The following IRF2BPL variants were observed in gnomAD, a reference collection of about 807,000 sequenced individuals.
IRF2BPL encodes interferon regulatory factor 2 binding protein like.
IRF2BPL carries 13 observed loss-of-function variants against 51.2 expected under a neutral mutation model. That is an observed-to-expected ratio of 0.25 (90% CI 0.17 to 0.40). The LOEUF (loss-of-function observed/expected upper bound fraction) is 0.40, where lower values mean the gene tolerates loss of function less well. Among genes scored for constraint, IRF2BPL ranks in the 10% least tolerant of loss-of-function variants. IRF2BPL has a pLI of 1.00. For missense variants in IRF2BPL, 1,210 were observed against 1,111.8 expected, an observed-to-expected ratio of 1.09 and a Z score of -1.26; for synonymous variants, 768 against 509.2, an observed-to-expected ratio of 1.51 and a Z score of -6.84.
rs1184442831 is a variant in IRF2BPL at position 77,025,950 on chromosome 14, A to C, written c.1843T>G (p.Ser615Ala). Residue 615 changes from serine (S) to alanine (A), a missense_variant, in exon 1 of 1, where the codon TCA (serine) becomes GCA (alanine). By Grantham distance (99) the Ser-to-Ala change is moderately conservative. Coordinates refer to ENST00000238647, the MANE Select transcript of IRF2BPL (RefSeq NM_024496.4). Reference sequence around the variant, plus strand: ...GGGGACGGACCGTTCTGGGGGGCTGACTCAGGTGGGGTGGTCCGGTTGGAA... The same window carrying C: ...GGGGACGGACCGTTCTGGGGGGCTGCCTCAGGTGGGGTGGTCCGGTTGGAA... ...PHSNRTTPPESAPQNGPSPMA... is the reference protein window; with the variant it reads ...PHSNRTTPPEAAPQNGPSPMA... 1.2e-6 allele frequency: 2 copies of C among 1,604,438 alleles called. No individual in the cohort carries two copies. Among genetic ancestry groups the C allele is most frequent in the Non-Finnish European group, 1.7e-6 (2 of 1,176,578 alleles).
In IRF2BPL at chr14:77,027,571, C is replaced by A; in HGVS notation, c.222G>T (p.Pro74=). The stretch of plus-strand genomic sequence containing the variant: ...GGGCCACTGTCTTGACCCCGACGGG[C>A]GGCGGCGGCCCGGGGGAGCGGCCGT... ...FQDGRSPGPP[P]PVGVKTVALS... The change falls in exon 1 of 1, where the codon CCG becomes CCT. Residue 74 remains proline, a synonymous_variant. Coordinates refer to ENST00000238647, the MANE Select transcript of IRF2BPL (RefSeq NM_024496.4). 2.0e-6 allele frequency: 3 copies of A among 1,508,942 alleles called. No homozygotes were observed. Among genetic ancestry groups the A allele is most frequent in the Non-Finnish European group, 2.7e-6 (3 of 1,125,146 alleles). 93.5% of individuals were successfully genotyped at this position (1,508,942 alleles called of 1,614,324 possible).
Position 77,025,782 on chromosome 14 carries a change from G to C in IRF2BPL, c.2011C>G (p.Arg671Gly). 1 of 1,609,128 alleles carries C rather than the reference G, an allele frequency of 6.2e-7. No individual in the cohort carries two copies. The highest frequency in any genetic ancestry group is 8.5e-7 in the Non-Finnish European group (1 of 1,177,694). The change falls in exon 1 of 1, where the codon CGC becomes GGC. Residue 671 changes from arginine (R) to glycine (G), a missense_variant. Physicochemically the swap from Arg to Gly is moderately radical, Grantham distance 125 (BLOSUM62 -2). Transcript: ENST00000238647. ...VSPASVPGQR[R>G]LASRNGDLNL... ...AGGTCCCCGTTACGTGATGCCAAGC[G>C]GCGCTGCCCCGGCACGGAGGCCGGC...
rs1885238106 is a variant in IRF2BPL at position 77,028,491 on chromosome 14, C to T, written c.-699G>A. 1 of 308,826 alleles carries T rather than the reference C, an allele frequency of 3.2e-6. No homozygotes were observed. Among genetic ancestry groups the T allele is most frequent in the East Asian group, 5.5e-5 (1 of 18,316 alleles). 19.1% of individuals were successfully genotyped at this position (308,826 alleles called of 1,614,324 possible). On this transcript the variant is annotated 5_prime_UTR_variant, in exon 1 of 1. The change creates a new upstream start codon in the 5' untranslated region. Coordinates refer to ENST00000238647, the MANE Select transcript of IRF2BPL (RefSeq NM_024496.4). ...AGAGCAGAGGAGAGGAGTGCACGCA[C>T]GCAGGCTCCCGCCGCCCCCAGGCCT...
chr14:77,027,167 G>A lies in IRF2BPL; in HGVS notation c.626C>T (p.Pro209Leu). 1 of 1,612,980 alleles carries A rather than the reference G, an allele frequency of 6.2e-7. No homozygotes were observed. The highest frequency in any genetic ancestry group is 8.5e-7 in the Non-Finnish European group (1 of 1,179,590). The change falls in exon 1 of 1, where the codon CCA (proline) becomes CTA (leucine). Residue 209 changes from proline (P) to leucine (L), a missense_variant. Transcript: ENST00000238647. ...ATTGGGGCTCTGACGGTTCAGCTCTGGGGGTCCCTCCTCTGGTGTTGGTTT... is the reference window on the plus strand; with the variant it reads ...ATTGGGGCTCTGACGGTTCAGCTCTAGGGGTCCCTCCTCTGGTGTTGGTTT... ...FPKPTPEEGP[P>L]ELNRQSPNSS... is the part of the protein sequence containing the mutation.
At position 77,026,175 on chromosome 14, in the gene IRF2BPL, T is replaced by C. The variant is rs1461784175; in HGVS notation, c.1618A>G (p.Ser540Gly). 29 of 1,433,446 alleles carry C rather than the reference T, an allele frequency of 2.0e-5. No individual in the cohort carries two copies. Among genetic ancestry groups the C allele is most frequent in the Non-Finnish European group, 2.5e-5 (28 of 1,103,906 alleles). 88.8% of individuals were successfully genotyped at this position (1,433,446 alleles called of 1,614,324 possible). A position where few individuals can be genotyped will look rare whatever the true frequency, so the allele number is the denominator to read the frequency against. ...GGAGAGGCCTTTCTCTTGCGCAGGC[T>C]GGCGGCTGCGCCCCGGCCCGACGGC... ...AAPSGRGAAA[S>G]LRKRKASPEP... Residue 540 changes from serine (S) to glycine (G), a missense_variant, in exon 1 of 1, where the codon AGC becomes GGC. Coordinates refer to ENST00000238647, the MANE Select transcript of IRF2BPL (RefSeq NM_024496.4).
At position 77,027,840 on chromosome 14, in the gene IRF2BPL, G is replaced by C; in HGVS notation, c.-48C>G. On this transcript the variant is annotated 5_prime_UTR_variant, in exon 1 of 1. Transcript: ENST00000238647. ...GGCCCCCGCCCGGGCTGTCTCCGCG[G>C]CGCCTTCTCCTCCGGGAGGACTGGC... 6.9e-7 allele frequency: 1 copy of C among 1,457,812 alleles called. No homozygotes were observed. Among genetic ancestry groups the C allele is most frequent in the African/African-American group, 1.4e-5 (1 of 69,312 alleles). 90.3% of individuals were successfully genotyped at this position (1,457,812 alleles called of 1,614,324 possible). A position where few individuals can be genotyped will look rare whatever the true frequency, so the allele number is the denominator to read the frequency against.
At position 77,027,322 on chromosome 14, in the gene IRF2BPL, G is replaced by GGCGGCGGCA. The variant is rs1566786651; in HGVS notation, c.470_471insTGCCGCCGC (p.Ala162_Ala164dup). ...CCACCGCAGCGGCGGCGGCGGCGGC[G>GGCGGCGGCA]GCGGCGGCGGCAGCGCTTAGGCCGT... On this transcript the variant is annotated inframe_insertion, in exon 1 of 1. Transcript: ENST00000238647. 4.6e-6 allele frequency: 7 copies of GGCGGCGGCA among 1,535,086 alleles called. No individual in the cohort carries two copies. The South Asian group carries it at 6.0e-5, about 13-fold the overall frequency.
chr14:77,027,644 A>G lies in IRF2BPL; in HGVS notation c.149T>C (p.Val50Ala), dbSNP rs1191798004. 2 of 1,609,204 alleles carry G rather than the reference A, an allele frequency of 1.2e-6. No homozygotes were observed. The change falls in exon 1 of 1, where the codon GTG (valine) becomes GCG (alanine). Residue 50 changes from valine (V) to alanine (A), a missense_variant. Physicochemically the swap from Val to Ala is moderately conservative, Grantham distance 64. Transcript: ENST00000238647. ...NYEGADRIEF[V>A]IETARQLKRA... ...CTTCAGCTGGCGCGCTGTCTCGATC[A>G]CGAATTCGATGCGATCAGCGCCCTC... is the stretch of plus-strand genomic sequence containing the variant.
Position 77,025,318 on chromosome 14 carries a change from G to A in IRF2BPL, c.*84C>T, listed in dbSNP as rs1885078057. 1 of 942,606 alleles carries A rather than the reference G, an allele frequency of 1.1e-6. No homozygotes were observed. The allele number at this position is 942,606 out of a possible 1,614,324, so 58.4% of individuals were successfully genotyped here. On this transcript the variant is annotated 3_prime_UTR_variant, in exon 1 of 1. Transcript: ENST00000238647. Reference sequence around the variant, plus strand: ...ATTCTACACCTTGGGGGTGAGGGGAGGGAGGGTCGAGTTGGGTTGGGGGAG... The same window carrying A: ...ATTCTACACCTTGGGGGTGAGGGGAAGGAGGGTCGAGTTGGGTTGGGGGAG...
Position 77,027,902 on chromosome 14 carries a change from A to AG in IRF2BPL, c.-111dup, listed in dbSNP as rs536364015. 397 of 1,247,910 alleles carry AG rather than the reference A, an allele frequency of 3.2e-4. 2 individuals carry two copies. In the East Asian group the frequency reaches 8.0e-3, roughly 25 times the overall value. The allele number at this position is 1,247,910 out of a possible 1,614,324, so 77.3% of individuals were successfully genotyped here. On this transcript the variant is annotated 5_prime_UTR_variant, in exon 1 of 1. Transcript: ENST00000238647. The stretch of plus-strand genomic sequence containing the variant: ...GGAGTCCGACTGCGGGGGAGGGAGG[A>AG]GGGGGGGCGAGAAAGTTCTGCCCCA...
chr14:77,027,769 C>G lies in IRF2BPL; in HGVS notation c.24G>C (p.Ser8=). 1 of 1,593,404 alleles carries G rather than the reference C, an allele frequency of 6.3e-7. No homozygotes were observed. Among genetic ancestry groups the G allele is most frequent in the African/African-American group, 1.4e-5 (1 of 73,392 alleles). The part of the protein sequence containing the change: MSAAQVS[S]SRRQSCYLCD... ...ACAGGTAGCAAGATTGTCTCCGGGA[C>G]GAGGACACCTGCGCCGCCGACATGA... is the stretch of plus-strand genomic sequence containing the variant. The change falls in exon 1 of 1, where the codon TCG becomes TCC. Residue 8 remains serine, a synonymous_variant. Coordinates refer to ENST00000238647, the MANE Select transcript of IRF2BPL (RefSeq NM_024496.4).
chr14:77,027,957 C>T lies in IRF2BPL; in HGVS notation c.-165G>A. On this transcript the variant is annotated 5_prime_UTR_variant, in exon 1 of 1. Transcript: ENST00000238647. Reference sequence around the variant, plus strand: ...CTGGAGGGAACGCGAGTCTCCACCGCCGGCGCAGCGCCTCGCCGTGGGGGC... The same window carrying T: ...CTGGAGGGAACGCGAGTCTCCACCGTCGGCGCAGCGCCTCGCCGTGGGGGC... The T allele has an allele frequency of 1.2e-6, 1 of 847,752 alleles. No homozygotes were observed. The highest frequency in any genetic ancestry group is 1.7e-6 in the Non-Finnish European group (1 of 598,204). The allele number at this position is 847,752 out of a possible 1,614,324, so 52.5% of individuals were successfully genotyped here.
chr14:77,026,428 C>A lies in IRF2BPL; in HGVS notation c.1365G>T (p.Ser455=). ...TTTCGTACTCCAGGTACTTGAAACC[C>A]GAGGATAGGCCCCGGCCGAAGTCCT... ...CMKDFGRGLS[S]GFKYLEYEKK... is the part of the protein sequence containing the mutation. The change falls in exon 1 of 1, where the codon TCG becomes TCT. Residue 455 remains serine (S), a synonymous_variant. Coordinates refer to ENST00000238647, the MANE Select transcript of IRF2BPL (RefSeq NM_024496.4). 1 of 1,613,416 alleles carries A rather than the reference C, an allele frequency of 6.2e-7. No individual in the cohort carries two copies. Among genetic ancestry groups the A allele is most frequent in the Non-Finnish European group, 8.5e-7 (1 of 1,180,010 alleles).
Position 77,026,016 on chromosome 14 carries a change from C to G in IRF2BPL, c.1777G>C (p.Ala593Pro). The change falls in exon 1 of 1, where the codon GCG becomes CCG. Residue 593 changes from alanine (A) to proline (P), a missense_variant. Coordinates refer to ENST00000238647, the MANE Select transcript of IRF2BPL (RefSeq NM_024496.4). ...AGGFAAPGHA[A>P]GGPPPPPPPL... ...GGGGGCGGCGGAGGCGGACCCCCCG[C>G]CGCGTGCCCCGGCGCCGCGAAGCCC... 3 of 1,563,620 alleles carry G rather than the reference C, an allele frequency of 1.9e-6. No homozygotes were observed. Among genetic ancestry groups the G allele is most frequent in the Non-Finnish European group, 2.6e-6 (3 of 1,155,942 alleles).
chr14:77,028,591 G>C lies in IRF2BPL; in HGVS notation c.-799C>G. On this transcript the variant is annotated 5_prime_UTR_variant, in exon 1 of 1. Transcript: ENST00000238647. ...GCGCTCGCGCGGCGCCTCGGCCCGG[G>C]TCGCATCCCTTCCCGCTCGTGCTCA... is the stretch of plus-strand genomic sequence containing the variant. 2.6e-6 allele frequency: 1 copy of C among 386,288 alleles called. No individual in the cohort carries two copies. The highest frequency in any genetic ancestry group is 4.6e-6 in the Non-Finnish European group (1 of 218,028). The allele number at this position is 386,288 out of a possible 1,614,324, so 23.9% of individuals were successfully genotyped here.
chr14:77,026,012 C>G lies in IRF2BPL; in HGVS notation c.1781G>C (p.Gly594Ala). The G allele has an allele frequency of 6.4e-7, 1 of 1,564,882 alleles. No individual in the cohort carries two copies. The highest frequency in any genetic ancestry group is 8.6e-7 in the Non-Finnish European group (1 of 1,156,616). The change falls in exon 1 of 1, where the codon GGG (glycine) becomes GCG (alanine). Residue 594 changes from glycine (G) to alanine (A), a missense_variant. By Grantham distance (60) the Gly-to-Ala change is moderately conservative (BLOSUM62 0). Coordinates refer to ENST00000238647, the MANE Select transcript of IRF2BPL (RefSeq NM_024496.4). ...AGGTGGGGGCGGCGGAGGCGGACCC[C>G]CCGCCGCGTGCCCCGGCGCCGCGAA... is the stretch of plus-strand genomic sequence containing the variant. ...GGFAAPGHAAGGPPPPPPPLG... is the reference protein window; with the variant it reads ...GGFAAPGHAAAGPPPPPPPLG...
rs1566785567 is a variant in IRF2BPL at position 77,025,863 on chromosome 14, T to C, written c.1930A>G (p.Ser644Gly). ...LGTAHSPKDGSSVHSTTASAR... is the reference protein window; with the variant it reads ...LGTAHSPKDGGSVHSTTASAR... ...GACGCAGTGGTAGAGTGCACGGAACTGCCATCCTTGGGCGAGTGCGCTGTG... is the reference window on the plus strand; with the variant it reads ...GACGCAGTGGTAGAGTGCACGGAACCGCCATCCTTGGGCGAGTGCGCTGTG... The change falls in exon 1 of 1, where the codon AGT becomes GGT. Residue 644 changes from serine to glycine, a missense_variant. By Grantham distance (56) the Ser-to-Gly change is moderately conservative (BLOSUM62 0). Coordinates refer to ENST00000238647, the MANE Select transcript of IRF2BPL (RefSeq NM_024496.4). The C allele has an allele frequency of 1.2e-6, 2 of 1,612,480 alleles. No homozygotes were observed. The highest frequency in any genetic ancestry group is 2.7e-5 in the African/African-American group (2 of 74,886).
At position 77,028,005 on chromosome 14, in the gene IRF2BPL, G is replaced by A. The variant is rs574506661; in HGVS notation, c.-213C>T. On this transcript the variant is annotated 5_prime_UTR_variant, in exon 1 of 1. Transcript: ENST00000238647. ...GGCTCCACCGCCCGGGCAGCGGACG[G>A]GTTCAGCCCTCTCTTCGCCCCCACC... The A allele has an allele frequency of 4.4e-4, 228 of 518,272 alleles. No homozygotes were observed. The highest frequency in any genetic ancestry group is 4.2e-3 in the African/African-American group (211 of 49,940). The allele number at this position is 518,272 out of a possible 1,614,324, so 32.1% of individuals were successfully genotyped here. A position where few individuals can be genotyped will look rare whatever the true frequency, so the allele number is the denominator to read the frequency against.
chr14:77,026,152 A>T lies in IRF2BPL; in HGVS notation c.1641T>A (p.Ser547=). The T allele has an allele frequency of 6.6e-7, 1 of 1,524,730 alleles. No individual in the cohort carries two copies. The highest frequency in any genetic ancestry group is 8.7e-7 in the Non-Finnish European group (1 of 1,145,522). 94.5% of individuals were successfully genotyped at this position (1,524,730 alleles called of 1,614,324 possible). The stretch of plus-strand genomic sequence containing the variant: ...CCTCGGCTGAGTCCGGGGGCTCCGG[A>T]GAGGCCTTTCTCTTGCGCAGGCTGG... ...AAASLRKRKA[S]PEPPDSAEGA... The change falls in exon 1 of 1, where the codon TCT becomes TCA. Residue 547 remains serine, a synonymous_variant. Transcript: ENST00000238647.
Sources: gnomAD v4.1 joint callset for allele counts on GRCh38, gnomAD v4.1.1 for gene constraint, MANE v1.5 for transcripts, NCBI Gene and HGNC (gene_info 2026-07-23, HGNC 2026-07-21) for gene names.